The following CORO2B variants were observed in gnomAD, a reference collection of about 807,000 sequenced individuals.
CORO2B encodes coronin 2B.
A neutral mutation model predicts 58.8 loss-of-function variants in CORO2B; 26 were observed. The ratio of observed to expected loss-of-function variants is 0.44; its 90% confidence interval spans 0.32 to 0.61. The LOEUF (loss-of-function observed/expected upper bound fraction) is 0.61. CORO2B is among the 20% of genes least tolerant of loss of function. The pLI, the probability that CORO2B is intolerant of heterozygous loss-of-function variation, is 0.04. For synonymous variants in CORO2B, 242 were observed against 253.8 expected, an observed-to-expected ratio of 0.95 and a Z score of 0.44; for missense variants, 460 against 645.1, an observed-to-expected ratio of 0.71 and a Z score of 3.11.
At chr15:68,605,315 C>T (rs959559507) in intron 1 of CORO2B, among the ~76,000 whole-genome samples, 2 of 152,144 alleles carry the variant, frequency 1.3e-5, no homozygotes, top group African/African-American at 4.8e-5. Flanking sequence ...TATCCTGTGA[C>T]CTAGTAATCC....
Position 68,587,711 on chromosome 15 carries a change from A to T in CORO2B, c.15+8434A>T, listed in dbSNP as rs147696108. Among the ~76,000 whole-genome samples the T allele has an allele frequency of 1.1e-3, 168 of 152,324 alleles. 1 individual carries two copies. Among genetic ancestry groups the T allele is most frequent in the African/African-American group, 3.5e-3 (144 of 41,578 alleles). On this transcript the variant is annotated intron_variant, in intron 1 of 11. Transcript: ENST00000261861. ...TATACAATATGTTTTATATGTATTA[A>T]TTCATTTAAGCTTCATGACAGCCTA...
intron 1 of CORO2B, among the ~76,000 whole-genome samples, chr15:68,597,919 A>C (rs189799001): frequency 2.0e-3 from 307 of 152,272 alleles, no homozygotes; most frequent in African/African-American, 7.1e-3. Context: ...GACTGAGAGG[A>C]GGGCAGGATG....
At chr15:68,676,347 A>T (rs1902585303) in intron 2 of CORO2B, among the ~76,000 whole-genome samples, 1 of 152,212 alleles carries the variant, frequency 6.6e-6, no homozygotes, top group African/African-American at 2.4e-5. Flanking sequence ...AGGATTCTGA[A>T]TTGAAGCAGG....
intron 11 of CORO2B, among the ~76,000 whole-genome samples, chr15:68,720,437 C>G (rs1163151963): frequency 6.6e-6 from 1 of 152,210 alleles, no homozygotes; most frequent in Non-Finnish European, 1.5e-5. Flanking sequence ...CCCACAAATG[C>G]TTATTAGCTC....
At chr15:68,677,389 A>G (rs74920623) in intron 2 of CORO2B, among the ~76,000 whole-genome samples, 13,104 of 152,200 alleles carry the variant, frequency 0.086, 1,387 homozygotes, top group African/African-American at 0.25. Context: ...GGATAGGGCT[A>G]GCTGAAGGCC....
At chr15:68,678,564 C>T (rs1902664105) in intron 2 of CORO2B, among the ~76,000 whole-genome samples, 1 of 152,174 alleles carries the variant, frequency 6.6e-6, no homozygotes, top group African/African-American at 2.4e-5. Context: ...ATCCCAGCTA[C>T]TCAGTGGACT....
chr15:68,686,217 G>T (rs1475334359), intron 2 of CORO2B, among the ~76,000 whole-genome samples: 1 of 143,442 alleles, frequency 7.0e-6, no homozygotes, highest in Non-Finnish European at 1.6e-5. Context: ...TGTAGTTTTG[G>T]TAGAGAGGGG....
chr15:68,711,586 T>G lies in CORO2B; in HGVS notation c.528T>G (p.Ile176Met). Residue 176 changes from isoleucine to methionine, a missense_variant, in exon 5 of 12, where the codon ATT becomes ATG. Physicochemically the swap from Ile to Met is conservative, Grantham distance 10 (BLOSUM62 1). Around this residue, in one of 2 missense-constraint regions of CORO2B, gnomAD observed 352 missense variants for 543.0 expected, o/e 0.65. Coordinates refer to ENST00000261861, the MANE Select transcript of CORO2B (RefSeq NM_006091.5). ...ATGTGGGTGAGCCGGTGAAGATGAT[T>G]GACTGCCACACGGATGTGATCCTCT... The part of the protein sequence containing the change: ...NLDVGEPVKM[I>M]DCHTDVILCM... 6.2e-7 allele frequency: 1 copy of G among 1,613,802 alleles called. No homozygotes were observed. Among genetic ancestry groups the G allele is most frequent in the Non-Finnish European group, 8.5e-7 (1 of 1,179,856 alleles).
At chr15:68,628,389 G>C (rs1165965929) in intron 1 of CORO2B, among the ~76,000 whole-genome samples, 2 of 152,222 alleles carry the variant, frequency 1.3e-5, no homozygotes, top group African/African-American at 4.8e-5. Context: ...GAAGATAATA[G>C]CGCCTGCCTC....
At chr15:68,623,329 G>A (rs4509964) in intron 1 of CORO2B, among the ~76,000 whole-genome samples, 2,421 of 152,254 alleles carry the variant, frequency 0.016, 77 homozygotes, top group African/African-American at 0.055. Context: ...ATAGAGCAGG[G>A]GCCTTGACTG....
intron 1 of CORO2B, among the ~76,000 whole-genome samples, chr15:68,640,778 A>G (rs970849140): frequency 3.3e-5 from 5 of 152,222 alleles, no homozygotes; most frequent in Admixed American, 1.3e-4. Context: ...ATGAGGAGGC[A>G]GGAGTCATGA....
the CORO2B span, among the ~76,000 whole-genome samples, chr15:68,556,690 A>G: frequency 6.6e-6 from 1 of 152,196 alleles, no homozygotes; most frequent in Admixed American, 6.5e-5. Context: ...CAGTTCCTGC[A>G]CTGGTAAGAA....
chr15:68,591,083 C>G (rs1354571459), intron 1 of CORO2B, among the ~76,000 whole-genome samples: 1 of 152,190 alleles, frequency 6.6e-6, no homozygotes, highest in Non-Finnish European at 1.5e-5. Flanking sequence ...TGGGGGGACA[C>G]AGGCTGCAGG....
chr15:68,556,313 C>T, the CORO2B span, among the ~76,000 whole-genome samples: 1 of 152,180 alleles, frequency 6.6e-6, no homozygotes, highest in Admixed American at 6.5e-5. Context: ...TGTGGCAGGG[C>T]TCCCCCAGGC....
At chr15:68,659,788 G>A (rs1901953980) in intron 2 of CORO2B, among the ~76,000 whole-genome samples, 1 of 152,170 alleles carries the variant, frequency 6.6e-6, no homozygotes, top group African/African-American at 2.4e-5. Context: ...ACAAAAATTA[G>A]CCAGGTGTGG....
the CORO2B span, among the ~76,000 whole-genome samples, chr15:68,548,911 G>C: frequency 6.6e-6 from 1 of 152,046 alleles, no homozygotes; most frequent in Non-Finnish European, 1.5e-5. Context: ...CGATTGACAG[G>C]AGTTCTTTAT....
intron 1 of CORO2B, among the ~76,000 whole-genome samples, chr15:68,623,660 G>T (rs1284532626): frequency 1.3e-5 from 2 of 152,160 alleles, no homozygotes; most frequent in Non-Finnish European, 2.9e-5. Flanking sequence ...ATCCTGTTGG[G>T]CGTCTCCATC....
chr15:68,522,286 A>ACTT, the CORO2B span, among the ~76,000 whole-genome samples: 1 of 151,844 alleles, frequency 6.6e-6, no homozygotes, highest in African/African-American at 2.4e-5. Flanking sequence ...TTTAAATACC[A>ACTT]CTTCTTCTCC....
At chr15:68,603,310 G>T (rs1900029132) in intron 1 of CORO2B, among the ~76,000 whole-genome samples, 1 of 151,872 alleles carries the variant, frequency 6.6e-6, no homozygotes, top group Admixed American at 6.6e-5. Context: ...TGGATGGGAG[G>T]GTATGCACAG....
Sources: gnomAD v4.1 joint callset for allele counts (sites outside exome capture counted in the v4.1 genomes callset) on GRCh38, gnomAD v4.1.1 for gene constraint, gnomAD v4.1.1 regional missense constraint, MANE v1.5 for transcripts, NCBI Gene and HGNC (gene_info 2026-07-23, HGNC 2026-07-21) for gene names.